FAM124A: variants seen among roughly 807,000 people sequenced by gnomAD.
FAM124A encodes family with sequence similarity 124 member A, also known as protein FAM124A.
FAM124A carries 23 observed loss-of-function variants against 24.5 expected under a neutral mutation model. The ratio of observed to expected loss-of-function variants is 0.94; its 90% CI spans 0.68 to 1.33. The LOEUF (loss-of-function observed/expected upper bound fraction) is 1.33. FAM124A is among the 40% of genes most tolerant of loss of function. FAM124A has a pLI of 0.00. For missense variants in FAM124A, 623 were observed against 722.8 expected (o/e 0.86, Z 1.58); for synonymous variants, 287 against 314.7 (o/e 0.91, Z 0.93).
At chr13:51,227,808 G>A (rs1217846641) in intron 1 of FAM124A, among the ~76,000 whole-genome samples, 1 of 152,160 alleles carries the variant, frequency 6.6e-6, no homozygotes, top group African/African-American at 2.4e-5. Flanking sequence ...TTCTGAACCT[G>A]TAGGGCCATA....
At chr13:51,262,986 C>A (rs1406465868) in intron 3 of FAM124A, among the ~76,000 whole-genome samples, 7 of 152,246 alleles carry the variant, frequency 4.6e-5, no homozygotes, top group Non-Finnish European at 2.9e-5. Flanking sequence ...AGGTAGAGGG[C>A]TCCTGGGCCC....
chr13:51,232,510 A>G (rs770676685), intron 2 of FAM124A, among the ~76,000 whole-genome samples: 2 of 152,216 alleles, frequency 1.3e-5, no homozygotes, highest in Non-Finnish European at 2.9e-5. Flanking sequence ...CTGAGCAGAT[A>G]GTTTTATATC....
intron 2 of FAM124A, among the ~76,000 whole-genome samples, chr13:51,237,481 C>T (rs559234528): frequency 3.7e-4 from 57 of 152,294 alleles, no homozygotes; most frequent in Middle Eastern, 3.4e-3. Flanking sequence ...CATGTTTATT[C>T]GCAAAACTCT....
chr13:51,224,934 T>A (rs1199006987), intron 1 of FAM124A, among the ~76,000 whole-genome samples: 1 of 152,152 alleles, frequency 6.6e-6, no homozygotes, highest in Admixed American at 6.5e-5. Flanking sequence ...CTTTGCCAGC[T>A]CTGCCCTTCC....
In FAM124A at chr13:51,252,157, C is replaced by T; in HGVS notation, c.790C>T (p.Arg264Cys). 1 of 1,613,744 alleles carries T rather than the reference C, an allele frequency of 6.2e-7. No individual in the cohort carries two copies. Among genetic ancestry groups the T allele is most frequent in the Non-Finnish European group, 8.5e-7 (1 of 1,180,024 alleles). Residue 264 changes from arginine to cysteine, a missense_variant, in exon 3 of 4, where the codon CGC (arginine) becomes TGC (cysteine). Physicochemically the swap from Arg to Cys is radical, Grantham distance 180 (BLOSUM62 -3). Transcript: ENST00000322475. Reference protein sequence around the residue: ...PNPCSPISEGRWQTEDHDGNK... With the variant: ...PNPCSPISEGCWQTEDHDGNK... ...CCCTTGCAGCCCCATCAGCGAGGGG[C>T]GCTGGCAGACGGAGGACCATGATGG...
intron 2 of FAM124A, among the ~76,000 whole-genome samples, chr13:51,247,567 G>A (rs1954576459): frequency 6.6e-6 from 1 of 152,186 alleles, no homozygotes. Flanking sequence ...CTTCCTGGTG[G>A]CCCAGGCAGC....
rs753204739 is a variant in FAM124A at position 51,252,141 on chromosome 13, C to T, written c.774C>T (p.Ser258=). 6.2e-6 allele frequency: 10 copies of T among 1,613,774 alleles called. No individual in the cohort carries two copies. Among genetic ancestry groups the T allele is most frequent in the African/African-American group, 2.7e-5 (2 of 74,940 alleles). The change falls in exon 3 of 4, where the codon AGC becomes AGT. Residue 258 remains serine, a synonymous_variant. Coordinates refer to ENST00000322475, the MANE Select transcript of FAM124A (RefSeq NM_001242312.2). ...ELVPLLPNPC[S]PISEGRWQTE... ...TGCCTCTCCTGCCCAACCCTTGCAG[C>T]CCCATCAGCGAGGGGCGCTGGCAGA...
intron 3 of FAM124A, among the ~76,000 whole-genome samples, chr13:51,277,233 G>C (rs1213700867): frequency 6.7e-6 from 1 of 150,188 alleles, no homozygotes; most frequent in Non-Finnish European, 1.5e-5. Flanking sequence ...GAAACAGAAA[G>C]TCAAATACCA....
chr13:51,268,248 A>G (rs921157605), intron 3 of FAM124A, among the ~76,000 whole-genome samples: 3 of 152,272 alleles, frequency 2.0e-5, no homozygotes, highest in Non-Finnish European at 2.9e-5. Context: ...CTTAGGAGAC[A>G]AATTCAGTTC....
intron 1 of FAM124A, among the ~76,000 whole-genome samples, chr13:51,226,619 G>A (rs1245184642): frequency 6.6e-6 from 1 of 152,244 alleles, no homozygotes; most frequent in Non-Finnish European, 1.5e-5. Context: ...GAGAGAGAGA[G>A]TGGGTAGTTA....
At chr13:51,257,497 G>A (rs991532131) in intron 3 of FAM124A, among the ~76,000 whole-genome samples, 1 of 152,200 alleles carries the variant, frequency 6.6e-6, no homozygotes, top group Non-Finnish European at 1.5e-5. Context: ...GTGTGCGTGT[G>A]CTTATGTGCG....
chr13:51,264,900 C>T (rs1362564653), intron 3 of FAM124A, among the ~76,000 whole-genome samples: 1 of 152,178 alleles, frequency 6.6e-6, no homozygotes, highest in African/African-American at 2.4e-5. Context: ...AATCATTTTT[C>T]CTGTTTTGTA....
intron 1 of FAM124A, 45 bp from the exon 2 acceptor site, chr13:51,231,303 C>G: frequency 6.2e-7 from 1 of 1,611,186 alleles, no homozygotes; most frequent in South Asian, 1.1e-5. Context: ...TTGAATAAAT[C>G]ATTTGGATAA....
At chr13:51,252,245 A>T (rs371957899) in intron 3 of FAM124A, 44 bp downstream of exon 3, 1 of 1,587,648 alleles carries the variant, frequency 6.3e-7, no homozygotes, top group Non-Finnish European at 8.6e-7. Flanking sequence ...GACCTGAGAA[A>T]CCAGTTAGCT....
intron 3 of FAM124A, among the ~76,000 whole-genome samples, chr13:51,262,400 AATCACTTATGGTGCTACCACC>A (rs1490022328): frequency 6.6e-6 from 1 of 152,242 alleles, no homozygotes; most frequent in Non-Finnish European, 1.5e-5. Flanking sequence ...TATTTTTAAA[AATCACTTATGGTGCTACCACC>A]ATCACAGAGC....
intron 3 of FAM124A, among the ~76,000 whole-genome samples, chr13:51,270,421 T>A (rs74484529): frequency 1.3e-5 from 2 of 151,740 alleles, no homozygotes; most frequent in Non-Finnish European, 2.9e-5. Flanking sequence ...AAAGATGGGA[T>A]TTTTTTTTAA....
chr13:51,280,346 T>C lies in FAM124A; in HGVS notation c.835-104T>C, dbSNP rs530342449. On this transcript the variant is annotated intron_variant, in intron 3 of 3. Transcript: ENST00000322475. ...AACTGGTAATGCTGGTAATGCTTTA[T>C]TGCCATGACATTGCCAGGAGTTTCC... 9.9e-6 allele frequency: 10 copies of C among 1,010,632 alleles called. No individual in the cohort carries two copies. The African/African-American group carries it at 1.3e-4, about 13-fold the overall frequency. The allele number at this position is 1,010,632 out of a possible 1,614,324, so 62.6% of individuals were successfully genotyped here. A position where few individuals can be genotyped will look rare whatever the true frequency, so the allele number is the denominator to read the frequency against.
Position 51,282,963 on chromosome 13 carries a change from A to G in FAM124A, c.*1707A>G, listed in dbSNP as rs1338499289. The G allele has an allele frequency of 6.6e-6, 1 of 152,156 alleles. No individual in the cohort carries two copies. The highest frequency in any genetic ancestry group is 1.9e-4 in the East Asian group (1 of 5,196). The allele number at this position is 152,156 out of a possible 1,614,324, so 9.4% of individuals were successfully genotyped here. A position where few individuals can be genotyped will look rare whatever the true frequency, so the allele number is the denominator to read the frequency against. On this transcript the variant is annotated 3_prime_UTR_variant, in exon 4 of 4. Transcript: ENST00000322475. ...GCCAGTCATATGGTCTCTTGCAGCT[A>G]CTCAACTCTGCCACTGTAGTATGAA...
chr13:51,232,849 G>C (rs1259869394), intron 2 of FAM124A, among the ~76,000 whole-genome samples: 3 of 152,124 alleles, frequency 2.0e-5, no homozygotes, highest in Admixed American at 2.0e-4. Context: ...TCACAAATCA[G>C]TCCTCTGGTC....
Sources: gnomAD v4.1 joint callset for allele counts (sites outside exome capture counted in the v4.1 genomes callset) on GRCh38, gnomAD v4.1.1 for gene constraint, MANE v1.5 for transcripts, NCBI Gene and HGNC (gene_info 2026-07-23, HGNC 2026-07-21) for gene names.